The following MAP4K5 variants were observed in gnomAD, a reference collection of about 807,000 sequenced individuals.
MAP4K5 encodes the protein MAPK/ERK kinase kinase kinase 5.
Under a neutral mutation model 135.6 loss-of-function variants are expected in MAP4K5, and 82 were observed. The observed-to-expected ratio is 0.60, with a 90% CI of 0.51 to 0.73. MAP4K5 has a LOEUF of 0.73. Among genes scored for constraint, MAP4K5 ranks in the 30% least tolerant of loss-of-function variants. The probability of loss-of-function intolerance (pLI) is 0.00; values close to 1 mark genes in which losing one functional copy is unlikely to be tolerated. For synonymous variants in MAP4K5, 347 were observed against 335.0 expected (o/e 1.04, Z -0.39); for missense variants, 907 against 1,010.9 (o/e 0.90, Z 1.39).
Position 50,420,081 on chromosome 14 carries a change from T to C in MAP4K5, c.2479A>G (p.Thr827Ala). ...DRVVVLESRP[T>A]ENPTAHSNLY... ...TTGCTGTGTGCAGTAGGATTTTCTG[T>C]TGGCCTACTTTCCAAAACGACAACC... is the stretch of plus-strand genomic sequence containing the variant. Residue 827 changes from threonine (T) to alanine (A), a missense_variant, in exon 33 of 33, where the codon ACA becomes GCA. This residue lies in a region of MAP4K5 where 690 missense variants were observed against 777.4 expected (regional missense o/e 0.89). Transcript: ENST00000682126. 4 of 1,610,252 alleles carry C rather than the reference T, an allele frequency of 2.5e-6. No individual in the cohort carries two copies. Among genetic ancestry groups the C allele is most frequent in the Non-Finnish European group, 1.7e-6 (2 of 1,178,084 alleles).
At chr14:50,458,228 T>C (rs1306562128) in intron 13 of MAP4K5, among the ~76,000 whole-genome samples, 1 of 152,184 alleles carries the variant, frequency 6.6e-6, no homozygotes, top group African/African-American at 2.4e-5. Flanking sequence ...CAACCATCCC[T>C]TTCTCTAATG....
intron 2 of MAP4K5, among the ~76,000 whole-genome samples, chr14:50,520,595 A>C (rs780386280): frequency 6.6e-6 from 1 of 152,222 alleles, no homozygotes; most frequent in South Asian, 2.1e-4. Context: ...ATGCTACTTA[A>C]GGCAGGTTAT....
At chr14:50,479,186 C>CT (rs34038301) in intron 6 of MAP4K5, among the ~76,000 whole-genome samples, 119,465 of 142,422 alleles carry the variant, frequency 0.84, 51,199 homozygotes, top group Non-Finnish European at 0.92. Flanking sequence ...CATTCTCTCT[C>CT]TTTTTTTTTT....
intron 2 of MAP4K5, among the ~76,000 whole-genome samples, chr14:50,526,296 C>A (rs1215630824): frequency 2.0e-5 from 3 of 152,082 alleles, no homozygotes; most frequent in Non-Finnish European, 4.4e-5. Context: ...GCTTACATGT[C>A]TGCTTTCTTT....
At chr14:50,531,287 C>T (rs1223229353) in intron 2 of MAP4K5, among the ~76,000 whole-genome samples, 1 of 152,214 alleles carries the variant, frequency 6.6e-6, no homozygotes. Flanking sequence ...AAGACAGCGG[C>T]TCATATCCAC....
chr14:50,460,970 T>C (rs1019660240), intron 13 of MAP4K5, among the ~76,000 whole-genome samples: 1 of 152,184 alleles, frequency 6.6e-6, no homozygotes, highest in Non-Finnish European at 1.5e-5. Context: ...TAGAAATTAT[T>C]TGGCCTAATA....
intron 5 of MAP4K5, among the ~76,000 whole-genome samples, chr14:50,484,833 A>G (rs1490971580): frequency 2.0e-5 from 3 of 152,194 alleles, no homozygotes; most frequent in African/African-American, 7.2e-5. Flanking sequence ...AAATTTGGTA[A>G]GGTTTCCAAT....
intron 18 of MAP4K5, 145 bp downstream of exon 18, chr14:50,444,896 G>A: frequency 1.2e-6 from 1 of 845,048 alleles, no homozygotes; most frequent in Non-Finnish European, 1.8e-6. Flanking sequence ...AAAGCTTTAA[G>A]CTATAATAGG....
At chr14:50,527,039 T>C (rs1252718394) in intron 2 of MAP4K5, among the ~76,000 whole-genome samples, 2 of 152,258 alleles carry the variant, frequency 1.3e-5, no homozygotes, top group East Asian at 3.9e-4. Context: ...ATTCAACGGA[T>C]CCTTTAAAAA....
intron 11 of MAP4K5, among the ~76,000 whole-genome samples, chr14:50,464,693 CA>C (rs2036792092): frequency 6.6e-6 from 1 of 152,034 alleles, no homozygotes; most frequent in South Asian, 2.1e-4. Flanking sequence ...AGAAATGACA[CA>C]AAAAGGTATT....
chr14:50,524,857 A>G lies in MAP4K5; in HGVS notation c.108+7085T>C, dbSNP rs1226031865. Among the ~76,000 whole-genome samples, 3 of 152,218 alleles carry G rather than the reference A, an allele frequency of 2.0e-5. No homozygotes were observed. In the East Asian group the frequency reaches 5.8e-4, roughly 29 times the overall value. On this transcript the variant is annotated intron_variant, in intron 2 of 32. Transcript: ENST00000682126. ...AGAAATGACACAAAACTTCAGATTTATATTTTTTGGAGAATGAATTCATCT... is the reference window on the plus strand; with the variant it reads ...AGAAATGACACAAAACTTCAGATTTGTATTTTTTGGAGAATGAATTCATCT...
At chr14:50,478,739 T>C in intron 6 of MAP4K5, among the ~76,000 whole-genome samples, 1 of 152,182 alleles carries the variant, frequency 6.6e-6, no homozygotes, top group East Asian at 1.9e-4. Flanking sequence ...ATAGGTCTGC[T>C]GGTGACTTGT....
intron 1 of MAP4K5, among the ~76,000 whole-genome samples, chr14:50,547,532 A>G (rs1247568091): frequency 6.6e-6 from 1 of 152,220 alleles, no homozygotes; most frequent in Non-Finnish European, 1.5e-5. Context: ...GGCAACGAAG[A>G]TGAAATAATA....
At chr14:50,543,184 T>C (rs957768222) in intron 1 of MAP4K5, among the ~76,000 whole-genome samples, 4 of 152,244 alleles carry the variant, frequency 2.6e-5, no homozygotes, top group Non-Finnish European at 5.9e-5. Context: ...AAGCTAACAT[T>C]AGATTCAACA....
chr14:50,471,317 A>G (rs886853442), intron 9 of MAP4K5, among the ~76,000 whole-genome samples: 1 of 152,190 alleles, frequency 6.6e-6, no homozygotes, highest in Non-Finnish European at 1.5e-5. Context: ...CAGAATATAT[A>G]TATTTTTTAG....
chr14:50,514,310 T>A (rs542683592), intron 2 of MAP4K5, among the ~76,000 whole-genome samples: 2 of 152,008 alleles, frequency 1.3e-5, no homozygotes, highest in Non-Finnish European at 1.5e-5. Flanking sequence ...CTCAAATTCC[T>A]TACCTCAAGT....
At chr14:50,487,205 G>A (rs1015733948) in intron 3 of MAP4K5, among the ~76,000 whole-genome samples, 1 of 152,196 alleles carries the variant, frequency 6.6e-6, no homozygotes, top group African/African-American at 2.4e-5. Flanking sequence ...CTACTCGGGA[G>A]GCTAAGGCAG....
At chr14:50,474,390 GA>G (rs765442446) in intron 9 of MAP4K5, among the ~76,000 whole-genome samples, 252 of 129,950 alleles carry the variant, frequency 1.9e-3, no homozygotes, top group Admixed American at 2.8e-3. Context: ...CCCTGTCTCA[GA>G]AAAAAAAAAA....
At chr14:50,499,231 G>A (rs1384065884) in intron 3 of MAP4K5, among the ~76,000 whole-genome samples, 3 of 151,978 alleles carry the variant, frequency 2.0e-5, no homozygotes, top group Non-Finnish European at 4.4e-5. Context: ...ATGAAAGGGG[G>A]AAAAAAGAGT....
Sources: gnomAD v4.1 joint callset for allele counts (sites outside exome capture counted in the v4.1 genomes callset) on GRCh38, gnomAD v4.1.1 for gene constraint, gnomAD v4.1.1 regional missense constraint, MANE v1.5 for transcripts, NCBI Gene and HGNC (gene_info 2026-07-23, HGNC 2026-07-21) for gene names.